The following FBXW4 variants were observed in gnomAD, a reference collection of about 807,000 sequenced individuals.
FBXW4 encodes the protein F-box and WD repeat domain containing 4, also known as F-box/WD repeat-containing protein 4.
Under a neutral mutation model 61.8 loss-of-function variants are expected in FBXW4, and 40 were observed. The ratio of observed to expected loss-of-function variants is 0.65; its 90% confidence interval spans 0.50 to 0.84. FBXW4 has a LOEUF of 0.84. Among genes scored for constraint, FBXW4 ranks in the 40% least tolerant of loss-of-function variants. FBXW4 has a pLI of 0.00. For synonymous variants in FBXW4, 311 were observed against 313.8 expected, an observed-to-expected ratio of 0.99 and a Z score of 0.10; for missense variants, 672 against 753.8, an observed-to-expected ratio of 0.89 and a Z score of 1.27.
At chr10:101,640,520 C>A (rs2064042604) in intron 5 of FBXW4, among the ~76,000 whole-genome samples, 1 of 107,958 alleles carries the variant, frequency 9.3e-6, no homozygotes, top group African/African-American at 3.6e-5. Context: ...GAGAGAGAGT[C>A]TCACTCTGTT....
At chr10:101,623,839 A>C (rs947462397) in intron 6 of FBXW4, among the ~76,000 whole-genome samples, 4 of 152,222 alleles carry the variant, frequency 2.6e-5, no homozygotes, top group African/African-American at 7.2e-5. Flanking sequence ...AAAGTGACAT[A>C]TTGTATGATT....
At chr10:101,619,161 G>A (rs1252968021) in intron 6 of FBXW4, among the ~76,000 whole-genome samples, 3 of 152,224 alleles carry the variant, frequency 2.0e-5, no homozygotes, top group Non-Finnish European at 4.4e-5. Context: ...GGCCTAGCTA[G>A]GGATACTTCA....
At chr10:101,630,953 G>A (rs1036290644) in intron 5 of FBXW4, among the ~76,000 whole-genome samples, 2 of 152,214 alleles carry the variant, frequency 1.3e-5, no homozygotes, top group Non-Finnish European at 2.9e-5. Context: ...AGTGGACAGG[G>A]CCATGCTTGT....
intron 1 of FBXW4, among the ~76,000 whole-genome samples, chr10:101,691,717 G>C (rs1235811778): frequency 1.3e-5 from 2 of 152,004 alleles, no homozygotes; most frequent in East Asian, 1.9e-4. Context: ...AGCTAGCTTG[G>C]GTTACAGTCA....
chr10:101,619,658 C>CA (rs540597313), intron 6 of FBXW4, among the ~76,000 whole-genome samples: 3,191 of 113,666 alleles, frequency 0.028, 57 homozygotes, highest in African/African-American at 0.067. Context: ...GACTCTGTCT[C>CA]AAAAAAAAAA....
intron 5 of FBXW4, among the ~76,000 whole-genome samples, chr10:101,647,321 C>G (rs747890003): frequency 2.0e-5 from 3 of 152,200 alleles, no homozygotes; most frequent in Non-Finnish European, 2.9e-5. Flanking sequence ...CCTGTACCTT[C>G]CTTGGGTGAC....
chr10:101,628,955 C>T (rs1005159811), intron 5 of FBXW4, among the ~76,000 whole-genome samples: 1 of 152,224 alleles, frequency 6.6e-6, no homozygotes, highest in Non-Finnish European at 1.5e-5. Flanking sequence ...CTCAGGCAAA[C>T]CTGGCATCAT....
chr10:101,678,188 G>C (rs983527127), intron 1 of FBXW4, among the ~76,000 whole-genome samples: 3 of 152,172 alleles, frequency 2.0e-5, no homozygotes, highest in African/African-American at 4.8e-5. Flanking sequence ...CACTGTTTGG[G>C]GATGGGTTAA....
At chr10:101,673,157 G>A in intron 3 of FBXW4, 110 bp from the exon 4 acceptor site, 2 of 1,363,460 alleles carry the variant, frequency 1.5e-6, no homozygotes, top group South Asian at 1.4e-5. Context: ...AATTTGCTAA[G>A]CATTAGACAA....
chr10:101,614,792 T>C (rs2063813609), intron 6 of FBXW4, among the ~76,000 whole-genome samples: 1 of 152,180 alleles, frequency 6.6e-6, no homozygotes, highest in Non-Finnish European at 1.5e-5. Context: ...CACGCCAGGC[T>C]CTGGGAAAAG....
chr10:101,617,433 G>A (rs980823361), intron 6 of FBXW4, among the ~76,000 whole-genome samples: 36 of 152,146 alleles, frequency 2.4e-4, no homozygotes, highest in African/African-American at 8.2e-4. Flanking sequence ...TTGCCCTCTG[G>A]TGGAGGTAGT....
Position 101,619,590 on chromosome 10 carries a change from C to T in FBXW4, c.1301+5155G>A, listed in dbSNP as rs9419933. Among the ~76,000 whole-genome samples the T allele has an allele frequency of 6.6e-3, 997 of 150,888 alleles. 16 individuals are homozygous for T. The highest frequency in any genetic ancestry group is 0.022 in the African/African-American group (918 of 41,006). On this transcript the variant is annotated intron_variant, in intron 6 of 8. Coordinates refer to ENST00000331272, the MANE Select transcript of FBXW4 (RefSeq NM_022039.4). ...AGGAGGATGGCGTGAACCCGGGAGGCGGAGTTTGCAGTGAGCCGAGATAGC... is the reference window on the plus strand; with the variant it reads ...AGGAGGATGGCGTGAACCCGGGAGGTGGAGTTTGCAGTGAGCCGAGATAGC...
chr10:101,641,252 G>C (rs2064050499), intron 5 of FBXW4, among the ~76,000 whole-genome samples: 2 of 152,120 alleles, frequency 1.3e-5, no homozygotes, highest in African/African-American at 4.8e-5. Flanking sequence ...GAGAATCTTT[G>C]AGGGGGAAAA....
At chr10:101,620,484 A>C (rs1396142375) in intron 6 of FBXW4, among the ~76,000 whole-genome samples, 1 of 152,136 alleles carries the variant, frequency 6.6e-6, no homozygotes, top group Non-Finnish European at 1.5e-5. Flanking sequence ...GGTTCCTCCC[A>C]GTGGATGAAC....
chr10:101,646,076 T>C (rs917599429), intron 5 of FBXW4, among the ~76,000 whole-genome samples: 3 of 152,228 alleles, frequency 2.0e-5, no homozygotes, highest in African/African-American at 7.2e-5. Context: ...GTCATTATTG[T>C]GATCATCACT....
At chr10:101,663,247 T>C (rs983576051) in intron 5 of FBXW4, among the ~76,000 whole-genome samples, 3 of 152,180 alleles carry the variant, frequency 2.0e-5, no homozygotes, top group Non-Finnish European at 4.4e-5. Context: ...TAGTATAATC[T>C]GGCAATCATT....
intron 5 of FBXW4, among the ~76,000 whole-genome samples, chr10:101,649,600 G>A (rs964135041): frequency 6.6e-6 from 1 of 152,224 alleles, no homozygotes; most frequent in African/African-American, 2.4e-5. Context: ...TCTTACTGAT[G>A]GGTTCCTTTG....
intron 5 of FBXW4, among the ~76,000 whole-genome samples, chr10:101,642,247 A>G (rs995235700): frequency 6.6e-6 from 1 of 151,632 alleles, no homozygotes; most frequent in Non-Finnish European, 1.5e-5. Context: ...ACATTTAAAA[A>G]TTGAAGCAAA....
chr10:101,693,337 CA>C (rs1340878521), intron 1 of FBXW4, among the ~76,000 whole-genome samples: 4 of 152,062 alleles, frequency 2.6e-5, no homozygotes, highest in Non-Finnish European at 5.9e-5. Flanking sequence ...AGCTGTTACT[CA>C]AAAATGCATT....
Sources: allele counts gnomAD v4.1 joint callset (sites outside exome capture counted in the v4.1 genomes callset), GRCh38; gene constraint gnomAD v4.1.1; transcripts MANE v1.5; gene names NCBI Gene and HGNC (gene_info 2026-07-23, HGNC 2026-07-21).